The following NUGGC variants were observed in gnomAD, a reference collection of about 807,000 sequenced individuals.
The protein encoded by NUGGC is nuclear GTPase, germinal center associated.
Under a neutral mutation model 92.6 loss-of-function variants are expected in NUGGC, and 58 were observed. The observed-to-expected ratio is 0.63, with a 90% CI of 0.51 to 0.78. The LOEUF (loss-of-function observed/expected upper bound fraction) is 0.78. Among genes scored for constraint, NUGGC ranks in the 30% least tolerant of loss-of-function variants. NUGGC has a pLI of 0.00. For synonymous variants in NUGGC, 376 were observed against 366.4 expected (o/e 1.03, Z -0.30); for missense variants, 925 against 964.6 (o/e 0.96, Z 0.54).
rs571124359 is a variant in NUGGC at position 28,075,281 on chromosome 8, G to T, written c.-46-825C>A. On this transcript the variant is annotated intron_variant, in intron 1 of 18. Coordinates refer to ENST00000413272, the MANE Select transcript of NUGGC (RefSeq NM_001010906.2). ...TTCCACCAGGAGGACACCCCTCCTG[G>T]GCTCTCCTTGCAGCTTGCAGCATGG... 2.0e-5 allele frequency among the ~76,000 whole-genome samples: 3 copies of T among 152,226 alleles called. No homozygotes were observed. The South Asian group carries it at 6.2e-4, about 32-fold the overall frequency.
chr8:28,037,533 T>C (rs1043118241), intron 13 of NUGGC, among the ~76,000 whole-genome samples: 2 of 152,176 alleles, frequency 1.3e-5, no homozygotes, highest in Admixed American at 1.3e-4. Context: ...TTTTCCAATA[T>C]CCATCCCTCC....
chr8:28,033,505 T>G, intron 14 of NUGGC, 35 bp downstream of exon 14: 1 of 1,595,972 alleles, frequency 6.3e-7, no homozygotes, highest in Non-Finnish European at 8.6e-7. Flanking sequence ...CTTCCGATGT[T>G]TGTTCCCGAA....
chr8:28,022,712 A>G lies in NUGGC; in HGVS notation c.*605T>C, dbSNP rs1379505633. ...GACTGAGGTGGGAGAGAATCACTTG[A>G]GGCCAGGAGTTTGAGACCACCCTGG... On this transcript the variant is annotated 3_prime_UTR_variant, in exon 19 of 19. Coordinates refer to ENST00000413272, the MANE Select transcript of NUGGC (RefSeq NM_001010906.2). 6.6e-6 allele frequency: 1 copy of G among 152,150 alleles called. No individual in the cohort carries two copies. The highest frequency in any genetic ancestry group is 1.5e-5 in the Non-Finnish European group (1 of 68,062). The allele number at this position is 152,150 out of a possible 1,614,324, so 9.4% of individuals were successfully genotyped here.
chr8:28,032,542 C>T (rs1368304675), intron 14 of NUGGC, among the ~76,000 whole-genome samples: 4 of 151,620 alleles, frequency 2.6e-5, no homozygotes, highest in Non-Finnish European at 1.5e-5. Context: ...ATGGTGAAAC[C>T]CCATCTCTAC....
At chr8:28,045,401 T>A in intron 12 of NUGGC, 126 bp downstream of exon 12, 1 of 842,092 alleles carries the variant, frequency 1.2e-6, no homozygotes, top group Non-Finnish European at 1.8e-6. Context: ...CCTTTTAGAC[T>A]CACTGAACTT....
rs1482072848 is a variant in NUGGC, at chr8:28,022,162, T to C, written c.*1155A>G. 9 of 125,250 alleles carry C rather than the reference T, an allele frequency of 7.2e-5. No homozygotes were observed. The highest frequency in any genetic ancestry group is 2.7e-4 in the South Asian group (1 of 3,690). 7.8% of individuals were successfully genotyped at this position (125,250 alleles called of 1,614,324 possible). A position where few individuals can be genotyped will look rare whatever the true frequency, so the allele number is the denominator to read the frequency against. ...ATATATATTTTTTTCTTTTTCTTTT[T>C]TTTTTTTTTTTTTTGAGACATAGTC... On this transcript the variant is annotated 3_prime_UTR_variant, in exon 19 of 19. Coordinates refer to ENST00000413272, the MANE Select transcript of NUGGC (RefSeq NM_001010906.2).
At chr8:28,056,746 A>C (rs1395878141) in intron 9 of NUGGC, among the ~76,000 whole-genome samples, 1 of 152,216 alleles carries the variant, frequency 6.6e-6, no homozygotes, top group African/African-American at 2.4e-5. Context: ...GAAAAGTTAA[A>C]ATTTATCAAA....
At chr8:28,069,012 A>C (rs1319398050) in intron 4 of NUGGC, among the ~76,000 whole-genome samples, 1 of 152,212 alleles carries the variant, frequency 6.6e-6, no homozygotes, top group Non-Finnish European at 1.5e-5. Flanking sequence ...GGTGTCAGCC[A>C]CTACACCTGG....
intron 13 of NUGGC, among the ~76,000 whole-genome samples, chr8:28,035,600 C>T (rs1242164689): frequency 6.6e-6 from 1 of 152,144 alleles, no homozygotes; most frequent in African/African-American, 2.4e-5. Flanking sequence ...GACCCAAGAG[C>T]CACCATGGAA....
chr8:28,024,908 C>A (rs1435719214), intron 18 of NUGGC, among the ~76,000 whole-genome samples: 1 of 152,228 alleles, frequency 6.6e-6, no homozygotes, highest in Non-Finnish European at 1.5e-5. Flanking sequence ...GAGTGGGTTC[C>A]CTCCCTCAGG....
chr8:28,027,836 C>T (rs900579684), intron 17 of NUGGC, among the ~76,000 whole-genome samples: 1 of 152,146 alleles, frequency 6.6e-6, no homozygotes, highest in South Asian at 2.1e-4. Context: ...AAGGAGTCAC[C>T]TCACGCTAGA....
In NUGGC at chr8:28,023,125, C is replaced by T. The variant is rs1585544943; in HGVS notation, c.*192G>A. 3.6e-6 allele frequency: 2 copies of T among 551,102 alleles called. No homozygotes were observed. Among genetic ancestry groups the T allele is most frequent in the East Asian group, 6.2e-5 (2 of 32,180 alleles). The allele number at this position is 551,102 out of a possible 1,614,324, so 34.1% of individuals were successfully genotyped here. A position where few individuals can be genotyped will look rare whatever the true frequency, so the allele number is the denominator to read the frequency against. On this transcript the variant is annotated 3_prime_UTR_variant, in exon 19 of 19. Transcript: ENST00000413272. ...TGGTGGCCTGTACCTGTAGCCCCAG[C>T]TGCTCTGGAGGCTGAGGCTGGAGGA...
rs116881468 is a variant in NUGGC, at chr8:28,042,896, T to A, written c.1447-1681A>T. ...ACTTCTCTGATTCTCAACGGTATCA[T>A]CTTTAAGTGAATTGGGTTGAATGAT... On this transcript the variant is annotated intron_variant, in intron 12 of 18. Transcript: ENST00000413272. Among the ~76,000 whole-genome samples the A allele has an allele frequency of 6.0e-4, 91 of 152,354 alleles. No homozygotes were observed. The East Asian group carries it at 0.016, about 27-fold the overall frequency.
intron 7 of NUGGC, among the ~76,000 whole-genome samples, chr8:28,063,432 C>T (rs1457500249): frequency 1.3e-5 from 2 of 152,198 alleles, no homozygotes; most frequent in African/African-American, 2.4e-5. Context: ...AGCCAAGATT[C>T]GCGATTTCCA....
chr8:28,065,498 C>G (rs965165983), intron 6 of NUGGC, among the ~76,000 whole-genome samples: 2 of 152,108 alleles, frequency 1.3e-5, no homozygotes, highest in African/African-American at 4.8e-5. Flanking sequence ...AATTTATCTT[C>G]TGATTACAAA....
intron 8 of NUGGC, 120 bp downstream of exon 8, chr8:28,060,306 C>G: frequency 1.0e-6 from 1 of 992,780 alleles, no homozygotes; most frequent in Non-Finnish European, 1.6e-6. Flanking sequence ...TCCTCCCCAA[C>G]AATCACTTCC....
intron 18 of NUGGC, among the ~76,000 whole-genome samples, chr8:28,024,195 C>CTTTTTTTTTTT (rs763885790): frequency 3.0e-4 from 37 of 123,994 alleles, no homozygotes; most frequent in Non-Finnish European, 4.2e-4. Context: ...TAAATTCTTT[C>CTTTTTTTTTTT]TTTTTTTTTT....
At chr8:28,028,270 T>C (rs1809319677) in intron 17 of NUGGC, among the ~76,000 whole-genome samples, 1 of 152,226 alleles carries the variant, frequency 6.6e-6, no homozygotes, top group Non-Finnish European at 1.5e-5. Context: ...CAGTTTCTTG[T>C]CCATGAATTT....
chr8:28,050,587 G>A (rs113827212), intron 10 of NUGGC, among the ~76,000 whole-genome samples: 6 of 152,008 alleles, frequency 3.9e-5, no homozygotes, highest in African/African-American at 9.6e-5. Flanking sequence ...GAGACAGGTG[G>A]GTCACCTGAG....
Sources: gnomAD v4.1 joint callset for allele counts (sites outside exome capture counted in the v4.1 genomes callset) on GRCh38, gnomAD v4.1.1 for gene constraint, MANE v1.5 for transcripts, NCBI Gene and HGNC (gene_info 2026-07-23, HGNC 2026-07-21) for gene names.